Variants in NFAT5 observed in about 807,000 individuals in gnomAD.
The protein encoded by NFAT5 is nuclear factor of activated T cells 5, also known as nuclear factor of activated T-cells 5.
A neutral mutation model predicts 166.5 loss-of-function variants in NFAT5; 31 were observed. The observed-to-expected ratio is 0.19, with a 90% CI of 0.14 to 0.25. NFAT5 has a LOEUF of 0.25. Ranked by LOEUF, NFAT5 falls within the 10% of genes least tolerant of loss-of-function variation. The pLI is 1.00. For missense variants in NFAT5, 1,449 were observed against 1,821.8 expected, an observed-to-expected ratio of 0.80 and a Z score of 3.72; for synonymous variants, 612 against 639.7, an observed-to-expected ratio of 0.96 and a Z score of 0.65.
At chr16:69,633,015 A>G (rs2034787790) in intron 3 of NFAT5, among the ~76,000 whole-genome samples, 1 of 152,196 alleles carries the variant, frequency 6.6e-6, no homozygotes, top group Non-Finnish European at 1.5e-5. Context: ...GTATGTATGT[A>G]TGGATTTATG....
chr16:69,578,055 C>G (rs978823268), intron 2 of NFAT5, among the ~76,000 whole-genome samples: 5 of 151,832 alleles, frequency 3.3e-5, no homozygotes, highest in African/African-American at 1.2e-4. Flanking sequence ...TGTTGTTATT[C>G]CCTAAGTGAT....
chr16:69,683,487 C>T (rs902426816), intron 10 of NFAT5, among the ~76,000 whole-genome samples: 1 of 152,128 alleles, frequency 6.6e-6, no homozygotes, highest in Non-Finnish European at 1.5e-5. Context: ...GCCGTTATCA[C>T]GCCACTGCAC....
intron 2 of NFAT5, among the ~76,000 whole-genome samples, chr16:69,618,798 T>G (rs192906938): frequency 4.6e-5 from 7 of 152,328 alleles, no homozygotes; most frequent in African/African-American, 1.7e-4. Context: ...TAGAAATGGA[T>G]TTTTCAGGAT....
Position 69,696,754 on chromosome 16 carries a change from T to C in NFAT5, c.*403T>C, listed in dbSNP as rs1012529215. 2 of 152,668 alleles carry C rather than the reference T, an allele frequency of 1.3e-5. No individual in the cohort carries two copies. The highest frequency in any genetic ancestry group is 2.9e-5 in the Non-Finnish European group (2 of 68,038). The allele number at this position is 152,668 out of a possible 1,614,324, so 9.5% of individuals were successfully genotyped here. On this transcript the variant is annotated 3_prime_UTR_variant, in exon 15 of 15. Transcript: ENST00000349945. ...CATTATTTTCTTTCCTGCATTGTTT[T>C]AGTCAAGTAATGGCTTTTGAAAAAG...
chr16:69,654,745 A>G (rs1244983693), intron 5 of NFAT5, among the ~76,000 whole-genome samples: 1 of 152,212 alleles, frequency 6.6e-6, no homozygotes, highest in Non-Finnish European at 1.5e-5. Context: ...CTGACCAGCA[A>G]TTTGACTAGT....
chr16:69,659,730 G>A lies in NFAT5; in HGVS notation c.1200G>A (p.Val400=). The part of the protein sequence containing the change: ...LDPSNNMTLA[V]DCVGILKLRN... Reference sequence around the variant, plus strand: ...ATATATTTTTTTTCTGTATTAGGGTGGACTGCGTAGGGATATTGAAATTGA... The same window carrying A: ...ATATATTTTTTTTCTGTATTAGGGTAGACTGCGTAGGGATATTGAAATTGA... The change falls in exon 7 of 15, where the codon GTG becomes GTA. Residue 400 remains valine, a synonymous_variant. Coordinates refer to ENST00000349945, the MANE Select transcript of NFAT5 (RefSeq NM_138713.4). 1 of 1,606,172 alleles carries A rather than the reference G, an allele frequency of 6.2e-7. No individual in the cohort carries two copies.
chr16:69,653,553 T>C, intron 5 of NFAT5, 125 bp downstream of exon 5: 1 of 623,434 alleles, frequency 1.6e-6, no homozygotes, highest in Non-Finnish European at 2.5e-6. Flanking sequence ...TTGAATTAGA[T>C]TCATCCCAAA....
rs747445401 is a variant in NFAT5, at chr16:69,691,002, C to T, written c.1837C>T (p.Pro613Ser). Reference protein sequence around the residue: ...VNIIPNALMTPLIPSSMIKSE... With the variant: ...VNIIPNALMTSLIPSSMIKSE... Reference sequence around the variant, plus strand: ...TATTATCCCTAATGCCCTGATGACTCCACTCATACCAAGCAGTATGATTAA... The same window carrying T: ...TATTATCCCTAATGCCCTGATGACTTCACTCATACCAAGCAGTATGATTAA... The change falls in exon 12 of 15, where the codon CCA (proline) becomes TCA (serine). Residue 613 changes from proline (P) to serine (S), a missense_variant. Transcript: ENST00000349945. The T allele has an allele frequency of 1.2e-6, 2 of 1,607,388 alleles. No individual in the cohort carries two copies. The highest frequency in any genetic ancestry group is 1.1e-5 in the South Asian group (1 of 89,566).
At chr16:69,684,235 G>A (rs1275845009) in intron 10 of NFAT5, among the ~76,000 whole-genome samples, 2 of 142,288 alleles carry the variant, frequency 1.4e-5, no homozygotes, top group East Asian at 4.2e-4. Context: ...CTCCTCCTGG[G>A]CGACCTAGCG....
At position 69,693,607 on chromosome 16, in the gene NFAT5, G is replaced by T. The variant is rs893101984; in HGVS notation, c.3782G>T (p.Ser1261Ile). The T allele has an allele frequency of 6.2e-7, 1 of 1,613,970 alleles. No homozygotes were observed. Among genetic ancestry groups the T allele is most frequent in the African/African-American group, 1.3e-5 (1 of 74,872 alleles). The change falls in exon 13 of 15, where the codon AGT becomes ATT. Residue 1261 changes from serine (S) to isoleucine (I), a missense_variant. Transcript: ENST00000349945. Reference protein sequence around the residue: ...QSQHSIVAMQSNSPSQEQQQQ... With the variant: ...QSQHSIVAMQINSPSQEQQQQ... Reference sequence around the variant, plus strand: ...CAGCACTCAATAGTTGCCATGCAGAGTAACTCTCCATCCCAGGAACAGCAG... The same window carrying T: ...CAGCACTCAATAGTTGCCATGCAGATTAACTCTCCATCCCAGGAACAGCAG...
chr16:69,612,648 C>G (rs902851445), intron 2 of NFAT5, among the ~76,000 whole-genome samples: 44 of 151,920 alleles, frequency 2.9e-4, no homozygotes, highest in African/African-American at 9.7e-4. Flanking sequence ...GAATTGGAGA[C>G]CAGACTGGAC....
At chr16:69,646,982 G>A (rs1191465124) in intron 3 of NFAT5, 46 bp from the exon 4 acceptor site, 1 of 1,432,742 alleles carries the variant, frequency 7.0e-7, no homozygotes, top group East Asian at 2.3e-5. Flanking sequence ...AGCCAGCATA[G>A]GTGAAAACAT....
Position 69,568,334 on chromosome 16 carries a change from G to GTATATATATA in NFAT5, c.74-157_74-148dup, listed in dbSNP as rs371948858. ...AAACTCCGTTTCAAAATGTATGTGT[G>GTATATATATA]TATATATATATATGTGTGTGTGTGT... On this transcript the variant is annotated intron_variant, in intron 1 of 14. Coordinates refer to ENST00000349945, the MANE Select transcript of NFAT5 (RefSeq NM_138713.4). Among the ~76,000 whole-genome samples, 13 of 133,424 alleles carry GTATATATATA rather than the reference G, an allele frequency of 9.7e-5. No homozygotes were observed. The East Asian group carries it at 2.6e-3, about 27-fold the overall frequency. The allele number at this position is 133,424 out of a possible 152,430, so 87.5% of individuals were successfully genotyped here.
At chr16:69,661,984 A>G (rs544334007) in intron 7 of NFAT5, among the ~76,000 whole-genome samples, 1 of 152,272 alleles carries the variant, frequency 6.6e-6, no homozygotes, top group South Asian at 2.1e-4. Flanking sequence ...GCACTTTGGG[A>G]GGCCAAGGCA....
chr16:69,702,132 A>G lies in NFAT5; in HGVS notation c.*5781A>G, dbSNP rs1290416497. ...GTGGCACTGAGGACTGCAAACTTTT[A>G]TGCAATATTCTTAATACCCTATTGA... On this transcript the variant is annotated 3_prime_UTR_variant, in exon 15 of 15. Transcript: ENST00000349945. 1 of 152,624 alleles carries G rather than the reference A, an allele frequency of 6.6e-6. No homozygotes were observed. The highest frequency in any genetic ancestry group is 1.5e-5 in the Non-Finnish European group (1 of 68,034). The allele number at this position is 152,624 out of a possible 1,614,324, so 9.5% of individuals were successfully genotyped here.
At chr16:69,569,512 C>T (rs906020080) in intron 2 of NFAT5, among the ~76,000 whole-genome samples, 1 of 151,754 alleles carries the variant, frequency 6.6e-6, no homozygotes, top group African/African-American at 2.4e-5. Flanking sequence ...GGAGGTAGTC[C>T]GGGATAGTGG....
chr16:69,635,752 G>C (rs62049970), intron 3 of NFAT5, among the ~76,000 whole-genome samples: 5,454 of 152,120 alleles, frequency 0.036, 141 homozygotes, highest in Non-Finnish European at 0.058. Context: ...AGAATAGCAC[G>C]GGAAAGACCA....
intron 2 of NFAT5, among the ~76,000 whole-genome samples, chr16:69,582,809 CT>C (rs1057108114): frequency 2.0e-5 from 3 of 151,506 alleles, no homozygotes; most frequent in Admixed American, 6.6e-5. Context: ...AGCCTTCCAA[CT>C]TTTTTTCTTC....
At chr16:69,654,464 C>A (rs1275986688) in intron 5 of NFAT5, among the ~76,000 whole-genome samples, 1 of 152,190 alleles carries the variant, frequency 6.6e-6, no homozygotes, top group Non-Finnish European at 1.5e-5. Context: ...TTAACCCACA[C>A]CCAGTCCTTC....
Sources: allele counts gnomAD v4.1 joint callset (sites outside exome capture counted in the v4.1 genomes callset), GRCh38; gene constraint gnomAD v4.1.1; transcripts MANE v1.5; gene names NCBI Gene and HGNC (gene_info 2026-07-23, HGNC 2026-07-21).